PCBP4: variants seen among roughly 807,000 people sequenced by gnomAD.
PCBP4 encodes poly(rC) binding protein 4, also known as poly(rC)-binding protein 4.
Under a neutral mutation model 46.2 loss-of-function variants are expected in PCBP4, and 24 were observed. That is an observed-to-expected ratio of 0.52 (90% CI 0.38 to 0.73). The LOEUF is 0.73. PCBP4 is among the 30% of genes least tolerant of loss of function. The pLI is 0.00. For missense variants in PCBP4, 407 were observed against 537.0 expected (o/e 0.76, Z 2.39); for synonymous variants, 203 against 224.4 (o/e 0.90, Z 0.85).
At position 51,960,120 on chromosome 3, in the gene PCBP4, G is replaced by A. The variant is rs374434187; in HGVS notation, c.387+69C>T. 15 of 1,613,904 alleles carry A rather than the reference G, an allele frequency of 9.3e-6. No individual in the cohort carries two copies. The African/African-American group carries it at 1.9e-4, about 20-fold the overall frequency. ...TCTCTAGGTGGGGAGGACGCCATAAGCCCAACACCCCTCTTACAACTGCTC... is the reference window on the plus strand; with the variant it reads ...TCTCTAGGTGGGGAGGACGCCATAAACCCAACACCCCTCTTACAACTGCTC... On this transcript the variant is annotated intron_variant, in intron 7 of 13. Coordinates refer to ENST00000461554, the MANE Select transcript of PCBP4 (RefSeq NM_001174100.2). This position sits in a 1 kb window ranked among gnomAD's most constrained non-coding sequence, Gnocchi z 5.0.
Position 51,961,183 on chromosome 3 carries a change from G to C in PCBP4, c.58C>G (p.Leu20Val). The C allele has an allele frequency of 6.2e-7, 1 of 1,613,614 alleles. No individual in the cohort carries two copies. Among genetic ancestry groups the C allele is most frequent in the Non-Finnish European group, 8.5e-7 (1 of 1,180,018 alleles). Residue 20 changes from leucine (L) to valine (V), a missense_variant, in exon 3 of 14, where the codon CTG (leucine) becomes GTG (valine). Physicochemically the swap from Leu to Val is conservative, Grantham distance 32. Coordinates refer to ENST00000461554, the MANE Select transcript of PCBP4 (RefSeq NM_001174100.2). ...ACCTTCCCGTGCATCAGCATCCGCA[G>C]CGTGAGGGTGATGCTGAGCTCTGGC... The part of the protein sequence containing the change: ...EEPELSITLT[L>V]RMLMHGKEVG...
At chr3:51,962,725 C>T (rs757927646) in intron 1 of PCBP4, 6 of 152,234 alleles carry the variant, frequency 3.9e-5, no homozygotes, top group Non-Finnish European at 7.3e-5. Flanking sequence ...AGCTTGAGCA[C>T]GGAAGGTGAA....
chr3:51,957,957 A>G lies in PCBP4; in HGVS notation c.*104T>C, dbSNP rs1699899582. The G allele has an allele frequency of 9.4e-7, 1 of 1,068,874 alleles. No homozygotes were observed. Among genetic ancestry groups the G allele is most frequent in the African/African-American group, 1.6e-5 (1 of 62,300 alleles). 66.2% of individuals were successfully genotyped at this position (1,068,874 alleles called of 1,614,324 possible). ...GGGTGCATCCATGCGTCTGGGCGTTAGCGGCGTTTGGGACCCCAGGGTGGA... is the reference window on the plus strand; with the variant it reads ...GGGTGCATCCATGCGTCTGGGCGTTGGCGGCGTTTGGGACCCCAGGGTGGA... On this transcript the variant is annotated 3_prime_UTR_variant, in exon 14 of 14. Coordinates refer to ENST00000461554, the MANE Select transcript of PCBP4 (RefSeq NM_001174100.2).
chr3:51,960,449 A>G lies in PCBP4; in HGVS notation c.255+77T>C. On this transcript the variant is annotated intron_variant, in intron 6 of 13. Coordinates refer to ENST00000461554, the MANE Select transcript of PCBP4 (RefSeq NM_001174100.2). The surrounding 1 kb of genome is among the most constrained non-coding windows in gnomAD (Gnocchi z 5.0). Reference sequence around the variant, plus strand: ...CTGGGCTTGACCTCCCCTCCCACCCATAGCCACTATCTGGAGTCAGAGTTG... The same window carrying G: ...CTGGGCTTGACCTCCCCTCCCACCCGTAGCCACTATCTGGAGTCAGAGTTG... 1.9e-6 allele frequency: 3 copies of G among 1,545,478 alleles called. No individual in the cohort carries two copies. The highest frequency in any genetic ancestry group is 1.1e-5 in the South Asian group (1 of 89,062).
chr3:51,958,293 A>C lies in PCBP4; in HGVS notation c.980T>G (p.Leu327Arg). 6.4e-7 allele frequency: 1 copy of C among 1,552,096 alleles called. No homozygotes were observed. The highest frequency in any genetic ancestry group is 8.7e-7 in the Non-Finnish European group (1 of 1,150,836). The change falls in exon 14 of 14, where the codon CTG (leucine) becomes CGG (arginine). Residue 327 changes from leucine (L) to arginine (R), a missense_variant. By Grantham distance (102) the Leu-to-Arg change is moderately radical. Coordinates refer to ENST00000461554, the MANE Select transcript of PCBP4 (RefSeq NM_001174100.2). This position sits in a 1 kb window ranked among gnomAD's most constrained non-coding sequence, Gnocchi z 5.4. ...CAGGGGTGGCGAGAAGGGGGCAGGC[A>C]GGTCTGCGGGGGCCGAGCTGGGCGT... ...GGTPSSAPAD[L>R]PAPFSPPLTA...
rs557059205 is a variant in PCBP4 at position 51,964,623 on chromosome 3, C to T, written c.-212-2535G>A. On this transcript the variant is annotated intron_variant, in intron 1 of 13. Transcript: ENST00000461554. ...CACCCAGTGATGCTGGGGAATGGCTCGGAGCATCCAGGGAGGCAGGGTGTG... is the reference window on the plus strand; with the variant it reads ...CACCCAGTGATGCTGGGGAATGGCTTGGAGCATCCAGGGAGGCAGGGTGTG... Among the ~76,000 whole-genome samples the T allele has an allele frequency of 9.2e-5, 14 of 152,294 alleles. No homozygotes were observed. In the South Asian group the frequency reaches 1.2e-3, roughly 14 times the overall value.
rs1301799042 is a variant in PCBP4 at position 51,960,616 on chromosome 3, C to T, written c.165G>A (p.Glu55=). 2 of 1,614,098 alleles carry T rather than the reference C, an allele frequency of 1.2e-6. No individual in the cohort carries two copies. Among genetic ancestry groups the T allele is most frequent in the East Asian group, 4.5e-5 (2 of 44,880 alleles). ...EQSSARITIS[E]GSCPERITTI... is the part of the protein sequence containing the mutation. Reference sequence around the variant, plus strand: ...TGGTGATGCGTTCAGGGCAGGAGCCCTCGGAGATGGTGATCCGGGCACTGC... The same window carrying T: ...TGGTGATGCGTTCAGGGCAGGAGCCTTCGGAGATGGTGATCCGGGCACTGC... The change falls in exon 6 of 14, where the codon GAG becomes GAA. Residue 55 remains glutamate (E), a synonymous_variant. Coordinates refer to ENST00000461554, the MANE Select transcript of PCBP4 (RefSeq NM_001174100.2). This position sits in a 1 kb window ranked among gnomAD's most constrained non-coding sequence, Gnocchi z 5.0.
Position 51,959,291 on chromosome 3 carries a change from A to T in PCBP4, c.638T>A (p.Val213Asp). The change falls in exon 11 of 14, where the codon GTC becomes GAC. Residue 213 changes from valine (V) to aspartate (D), a missense_variant and splice_region_variant. Physicochemically the swap from Val to Asp is radical, Grantham distance 152. Coordinates refer to ENST00000461554, the MANE Select transcript of PCBP4 (RefSeq NM_001174100.2). This position sits in a 1 kb window ranked among gnomAD's most constrained non-coding sequence, Gnocchi z 5.6. ...GCTTGAGAGCTGCTGGAGCTTGGTGACCTGTGCCAAAGAGGGGTCAGAGGT... is the reference window on the plus strand; with the variant it reads ...GCTTGAGAGCTGCTGGAGCTTGGTGTCCTGTGCCAAAGAGGGGTCAGAGGT... ...GQYGAVTPAE[V>D]TKLQQLSSHA... The T allele has an allele frequency of 1.2e-6, 2 of 1,613,910 alleles. No homozygotes were observed. The highest frequency in any genetic ancestry group is 1.7e-6 in the Non-Finnish European group (2 of 1,179,950).
In PCBP4 at chr3:51,960,850, C is replaced by A. The variant is rs375699179; in HGVS notation, c.138+16G>T. On this transcript the variant is annotated intron_variant, in intron 5 of 13. Coordinates refer to ENST00000461554, the MANE Select transcript of PCBP4 (RefSeq NM_001174100.2). The surrounding 1 kb of genome is among the most constrained non-coding windows in gnomAD (Gnocchi z 5.0). Reference sequence around the variant, plus strand: ...CATCAGGTGCCCTGGGCTCCTCCCCCAAACTCCATCCTCACCTGCTCCCGG... The same window carrying A: ...CATCAGGTGCCCTGGGCTCCTCCCCAAAACTCCATCCTCACCTGCTCCCGG... 189 of 1,614,022 alleles carry A rather than the reference C, an allele frequency of 1.2e-4. 1 individual carries two copies. In the African/African-American group the frequency reaches 2.2e-3, roughly 19 times the overall value.
chr3:51,963,348 G>A (rs892936753), intron 1 of PCBP4: 3 of 152,256 alleles, frequency 2.0e-5, no homozygotes, highest in East Asian at 1.9e-4. Flanking sequence ...GTCTGGATCT[G>A]TTAGTCCTCT....
rs752474947 is a variant in PCBP4, at chr3:51,958,751, C to T, written c.923+39G>A. 2.3e-5 allele frequency: 37 copies of T among 1,589,806 alleles called. No homozygotes were observed. The highest frequency in any genetic ancestry group is 6.7e-5 in the African/African-American group (5 of 74,564). Reference sequence around the variant, plus strand: ...CTGCCTTTCTTGGGCACATGAGAACCGTGACCTGCTCCCCCACTGCCGCCC... The same window carrying T: ...CTGCCTTTCTTGGGCACATGAGAACTGTGACCTGCTCCCCCACTGCCGCCC... On this transcript the variant is annotated intron_variant, in intron 13 of 13. Coordinates refer to ENST00000461554, the MANE Select transcript of PCBP4 (RefSeq NM_001174100.2). This position sits in a 1 kb window ranked among gnomAD's most constrained non-coding sequence, Gnocchi z 5.4.
rs1219507084 is a variant in PCBP4, at chr3:51,959,602, C to G, written c.566G>C (p.Gly189Ala). The change falls in exon 9 of 14, where the codon GGT becomes GCT. Residue 189 changes from glycine to alanine, a missense_variant. Gly to Ala is a moderately conservative substitution (Grantham distance 60). Transcript: ENST00000461554. The surrounding 1 kb of genome is among the most constrained non-coding windows in gnomAD (Gnocchi z 5.6). ...TIPYHPSLSL[G>A]TVLLSANQGF... ...CTGGTTGGCAGAGAGAAGAACAGTA[C>G]CTAGGGAGAGGCTCGGATGGTAGGG... 6.4e-7 allele frequency: 1 copy of G among 1,553,006 alleles called. No homozygotes were observed. The highest frequency in any genetic ancestry group is 1.2e-5 in the South Asian group (1 of 84,166).
chr3:51,959,550 T>A lies in PCBP4; in HGVS notation c.591+27A>T. 1 of 1,544,986 alleles carries A rather than the reference T, an allele frequency of 6.5e-7. No individual in the cohort carries two copies. The highest frequency in any genetic ancestry group is 8.8e-7 in the Non-Finnish European group (1 of 1,140,780). ...TCAATCCCCCTTCTCCAGTAATGTG[T>A]CCCACTGCTCCTGTTGTTCCCCTCA... On this transcript the variant is annotated intron_variant, in intron 9 of 13. Coordinates refer to ENST00000461554, the MANE Select transcript of PCBP4 (RefSeq NM_001174100.2). This position sits in a 1 kb window ranked among gnomAD's most constrained non-coding sequence, Gnocchi z 5.6.
chr3:51,961,125 G>C, intron 3 of PCBP4, 35 bp downstream of exon 3: 1 of 1,613,744 alleles, frequency 6.2e-7, no homozygotes, highest in Non-Finnish European at 8.5e-7. Flanking sequence ...GCCCAGCCCA[G>C]CCTTGCCTCG....
Position 51,957,840 on chromosome 3 carries a change from C to A in PCBP4, c.*221G>T. On this transcript the variant is annotated 3_prime_UTR_variant, in exon 14 of 14. Coordinates refer to ENST00000461554, the MANE Select transcript of PCBP4 (RefSeq NM_001174100.2). The stretch of plus-strand genomic sequence containing the variant: ...AGCACAGAGCTGAGGAGGTAGGGCC[C>A]CCTGCCCTGGGGCTGCCGCAGCTCA... The A allele has an allele frequency of 2.3e-6, 1 of 426,304 alleles. No individual in the cohort carries two copies. Among genetic ancestry groups the A allele is most frequent in the East Asian group, 3.8e-5 (1 of 26,622 alleles). The allele number at this position is 426,304 out of a possible 1,614,324, so 26.4% of individuals were successfully genotyped here.
chr3:51,958,475 G>A lies in PCBP4; in HGVS notation c.924-126C>T, dbSNP rs778548334. On this transcript the variant is annotated intron_variant, in intron 13 of 13. Transcript: ENST00000461554. This position sits in a 1 kb window ranked among gnomAD's most constrained non-coding sequence, Gnocchi z 5.4. Reference sequence around the variant, plus strand: ...GAGGTAGTGAACAGAGAACAATAAGGGGAAGATGGGAAAGGTGGAAGAGGA... The same window carrying A: ...GAGGTAGTGAACAGAGAACAATAAGAGGAAGATGGGAAAGGTGGAAGAGGA... The A allele has an allele frequency of 8.7e-6, 6 of 687,662 alleles. No homozygotes were observed. The highest frequency in any genetic ancestry group is 1.4e-5 in the Non-Finnish European group (6 of 429,370). The allele number at this position is 687,662 out of a possible 1,614,324, so 42.6% of individuals were successfully genotyped here.
chr3:51,963,144 C>T (rs975142967), intron 1 of PCBP4: 1 of 152,280 alleles, frequency 6.6e-6, no homozygotes, highest in African/African-American at 2.4e-5. Flanking sequence ...GTGCTCAGAA[C>T]ATACTGAGCT....
Position 51,958,966 on chromosome 3 carries a change from G to A in PCBP4, c.754-7C>T. ...CGATCACACAGCCAATCAACTAGAGGGAAGGCAGAATTCAGCCCTGGGTGA... is the reference window on the plus strand; with the variant it reads ...CGATCACACAGCCAATCAACTAGAGAGAAGGCAGAATTCAGCCCTGGGTGA... On this transcript the variant is annotated splice_polypyrimidine_tract_variant and splice_region_variant and intron_variant, in intron 12 of 13. Coordinates refer to ENST00000461554, the MANE Select transcript of PCBP4 (RefSeq NM_001174100.2). The surrounding 1 kb of genome is among the most constrained non-coding windows in gnomAD (Gnocchi z 5.4). The A allele has an allele frequency of 6.2e-7, 1 of 1,613,932 alleles. No homozygotes were observed. The highest frequency in any genetic ancestry group is 1.1e-5 in the South Asian group (1 of 91,070).
rs569359197 is a variant in PCBP4 at position 51,966,999 on chromosome 3, G to T, written c.-213+327C>A. 5.5e-4 allele frequency among the ~76,000 whole-genome samples: 84 copies of T among 152,284 alleles called. 1 individual carries two copies. The Middle Eastern group carries it at 0.01, about 18-fold the overall frequency. ...CCCAGCCAGGAGCTACAGGGGAGTG[G>T]CAAGTGAGGGCAGAGATGGAGCAGA... On this transcript the variant is annotated intron_variant, in intron 1 of 13. Coordinates refer to ENST00000461554, the MANE Select transcript of PCBP4 (RefSeq NM_001174100.2).
Sources: allele counts gnomAD v4.1 joint callset (sites outside exome capture counted in the v4.1 genomes callset), GRCh38; gene constraint gnomAD v4.1.1; non-coding constraint Gnocchi (gnomAD v3.1); transcripts MANE v1.5; gene names NCBI Gene and HGNC (gene_info 2026-07-23, HGNC 2026-07-21).